FGGY: variants seen among roughly 807,000 people sequenced by gnomAD.
FGGY encodes FGGY carbohydrate kinase domain-containing protein.
Under a neutral mutation model 71.3 loss-of-function variants are expected in FGGY, and 72 were observed. That is an observed-to-expected ratio of 1.01 (90% CI 0.84 to 1.23). The LOEUF (loss-of-function observed/expected upper bound fraction) is 1.23, where lower values mean the gene tolerates loss of function less well. FGGY is among the 50% of genes most tolerant of loss of function. FGGY has a pLI of 0.00. For missense variants in FGGY, 668 were observed against 682.3 expected (o/e 0.98, Z 0.23); for synonymous variants, 251 against 250.3 (o/e 1.00, Z -0.02).
At chr1:59,480,434 C>T (rs777460498) in intron 6 of FGGY, among the ~76,000 whole-genome samples, 1 of 152,188 alleles carries the variant, frequency 6.6e-6, no homozygotes, top group Non-Finnish European at 1.5e-5. Context: ...AAAGTATGGA[C>T]TTTGCTTCTG....
intron 5 of FGGY, among the ~76,000 whole-genome samples, chr1:59,380,049 G>C (rs1292980376): frequency 6.6e-6 from 1 of 151,964 alleles, no homozygotes; most frequent in African/African-American, 2.4e-5. Context: ...TGCAGTGTCT[G>C]GTTTTTTGTC....
chr1:59,680,775 A>C (rs1438279200), intron 14 of FGGY: 1 of 152,186 alleles, frequency 6.6e-6, no homozygotes, highest in African/African-American at 2.4e-5. Flanking sequence ...CTTTGTGCAG[A>C]TGAGGACTCT....
chr1:59,686,332 A>T (rs747287942), intron 14 of FGGY, among the ~76,000 whole-genome samples: 3 of 152,196 alleles, frequency 2.0e-5, no homozygotes, highest in Non-Finnish European at 4.4e-5. Context: ...GCATCAGAGA[A>T]GTGCTAAAAT....
At position 59,363,138 on chromosome 1, in the gene FGGY, T is replaced by C. The variant is rs140116921; in HGVS notation, c.466-15611T>C. Reference sequence around the variant, plus strand: ...GTGTACAAGAATGGGCACATGAACATGTATAATCTCACTGAATTGAATTCG... The same window carrying C: ...GTGTACAAGAATGGGCACATGAACACGTATAATCTCACTGAATTGAATTCG... On this transcript the variant is annotated intron_variant, in intron 4 of 15. Transcript: ENST00000303721. Among the ~76,000 whole-genome samples, 273 of 152,306 alleles carry C rather than the reference T, an allele frequency of 1.8e-3. 1 individual carries two copies. The highest frequency in any genetic ancestry group is 6.4e-3 in the African/African-American group (267 of 41,552).
At chr1:59,697,050 C>T (rs2097666546) in intron 14 of FGGY, among the ~76,000 whole-genome samples, 1 of 151,804 alleles carries the variant, frequency 6.6e-6, no homozygotes, top group South Asian at 2.1e-4. Flanking sequence ...GAGGAAATAC[C>T]ACAAAAATAC....
At chr1:59,739,961 C>G (rs2098134564) in intron 14 of FGGY, among the ~76,000 whole-genome samples, 1 of 152,196 alleles carries the variant, frequency 6.6e-6, no homozygotes, top group Non-Finnish European at 1.5e-5. Flanking sequence ...CCCCAGCGCT[C>G]TCCTTGCTGG....
At chr1:59,400,740 A>C (rs756742106) in intron 5 of FGGY, among the ~76,000 whole-genome samples, 5 of 151,978 alleles carry the variant, frequency 3.3e-5, no homozygotes, top group Non-Finnish European at 5.9e-5. Flanking sequence ...TCTTGACATA[A>C]GTAGAACTAA....
intron 10 of FGGY, among the ~76,000 whole-genome samples, chr1:59,635,789 A>T (rs1347458340): frequency 6.6e-6 from 1 of 152,200 alleles, no homozygotes; most frequent in Non-Finnish European, 1.5e-5. Context: ...GAGGCTTCAG[A>T]GGATCCTTTC....
At chr1:59,591,173 T>C (rs2096428098) in intron 8 of FGGY, among the ~76,000 whole-genome samples, 1 of 152,092 alleles carries the variant, frequency 6.6e-6, no homozygotes, top group South Asian at 2.1e-4. Flanking sequence ...AAATAATGAG[T>C]GAGCTCCCAT....
At chr1:59,563,554 T>C (rs2095828233) in intron 8 of FGGY, among the ~76,000 whole-genome samples, 1 of 152,148 alleles carries the variant, frequency 6.6e-6, no homozygotes, top group African/African-American at 2.4e-5. Context: ...CACAAACAAA[T>C]GGAAAAACAT....
intron 1 of FGGY, among the ~76,000 whole-genome samples, chr1:59,320,744 C>T (rs116326976): frequency 0.03 from 4,596 of 152,288 alleles, 109 homozygotes; most frequent in Middle Eastern, 0.044. Flanking sequence ...TGCCTCTTCT[C>T]CAAACCTATA....
intron 14 of FGGY, among the ~76,000 whole-genome samples, chr1:59,712,472 A>T (rs536616381): frequency 6.6e-6 from 1 of 152,318 alleles, no homozygotes; most frequent in South Asian, 2.1e-4. Context: ...AGGCTCTGAC[A>T]CCACATTTCC....
intron 5 of FGGY, among the ~76,000 whole-genome samples, chr1:59,430,074 C>T (rs2067069471): frequency 6.6e-6 from 1 of 152,164 alleles, no homozygotes; most frequent in African/African-American, 2.4e-5. Context: ...AGGAATAAAC[C>T]CCAGGCCATA....
chr1:59,443,502 G>C (rs76385526), intron 5 of FGGY, among the ~76,000 whole-genome samples: 1,808 of 152,094 alleles, frequency 0.012, 32 homozygotes, highest in African/African-American at 0.041. Context: ...TTATTTCTTG[G>C]CAGTAGCACT....
chr1:59,332,888 C>G (rs909673160), intron 2 of FGGY, among the ~76,000 whole-genome samples: 3 of 152,160 alleles, frequency 2.0e-5, no homozygotes, highest in African/African-American at 7.2e-5. Context: ...GTGCTTTGTA[C>G]ATAAAAACAT....
At chr1:59,578,769 C>T (rs946463711) in intron 8 of FGGY, among the ~76,000 whole-genome samples, 2 of 151,990 alleles carry the variant, frequency 1.3e-5, no homozygotes, top group Non-Finnish European at 2.9e-5. Flanking sequence ...ACTACAGATC[C>T]TTCAATAAAC....
chr1:59,365,682 T>G (rs1353779802), intron 4 of FGGY, among the ~76,000 whole-genome samples: 3 of 152,206 alleles, frequency 2.0e-5, no homozygotes, highest in Non-Finnish European at 4.4e-5. Flanking sequence ...TTCCTGGGCT[T>G]TAGGTTCATA....
At position 59,684,298 on chromosome 1, in the gene FGGY, C is replaced by G. The variant is rs115860729; in HGVS notation, c.1512+10165C>G. Among the ~76,000 whole-genome samples, 349 of 152,314 alleles carry G rather than the reference C, an allele frequency of 2.3e-3. 2 individuals are homozygous for G. Among genetic ancestry groups the G allele is most frequent in the Non-Finnish European group, 4.2e-3 (286 of 68,024 alleles). The stretch of plus-strand genomic sequence containing the variant: ...ACCTTGGGTGAGTTACTTAGTTTCT[C>G]TGTGTCTCAGAGGCCTCACCTGTGA... On this transcript the variant is annotated intron_variant, in intron 14 of 15. Coordinates refer to ENST00000303721, the MANE Select transcript of FGGY (RefSeq NM_018291.5).
intron 15 of FGGY, among the ~76,000 whole-genome samples, chr1:59,759,532 T>C (rs949228295): frequency 5.9e-5 from 9 of 152,196 alleles, no homozygotes; most frequent in Non-Finnish European, 1.2e-4. Flanking sequence ...TTTTTAAGTT[T>C]TTTCCGTAAA....
Sources: gnomAD v4.1 joint callset for allele counts (sites outside exome capture counted in the v4.1 genomes callset) on GRCh38, gnomAD v4.1.1 for gene constraint, MANE v1.5 for transcripts, NCBI Gene and HGNC (gene_info 2026-07-23, HGNC 2026-07-21) for gene names.